Variants in PARD6G observed in about 807,000 individuals in gnomAD.
PARD6G encodes partitioning defective 6 homolog gamma.
In PARD6G, 7 loss-of-function variants were observed where a neutral mutation model predicts 10.7. The ratio of observed to expected loss-of-function variants is 0.66; its 90% CI spans 0.37 to 1.23. PARD6G has a LOEUF of 1.23. Among genes scored for constraint, PARD6G ranks in the 50% most tolerant of loss-of-function variants. The pLI, the probability that PARD6G is intolerant of heterozygous loss-of-function variation, is 0.02. For synonymous variants in PARD6G, 287 were observed against 269.4 expected, an observed-to-expected ratio of 1.07 and a Z score of -0.64; for missense variants, 548 against 571.8, an observed-to-expected ratio of 0.96 and a Z score of 0.42.
chr18:80,223,597 C>A (rs1418373615), intron 1 of PARD6G, among the ~76,000 whole-genome samples: 1 of 152,152 alleles, frequency 6.6e-6, no homozygotes, highest in Non-Finnish European at 1.5e-5. Context: ...GAATCTTAAC[C>A]CTCACACATT....
intron 2 of PARD6G, among the ~76,000 whole-genome samples, chr18:80,202,316 T>A (rs776681837): frequency 1.3e-5 from 2 of 152,156 alleles, no homozygotes; most frequent in Admixed American, 6.5e-5. Context: ...GCCTCAGAGC[T>A]AAAAGTTAAC....
At chr18:80,226,157 T>C (rs1967286766) in intron 1 of PARD6G, among the ~76,000 whole-genome samples, 2 of 17,832 alleles carry the variant, frequency 1.1e-4, no homozygotes, top group Non-Finnish European at 3.4e-4. Context: ...TTCAGTTTTT[T>C]TTTTTTTTTT....
chr18:80,187,097 A>C (rs1391825590), intron 2 of PARD6G, among the ~76,000 whole-genome samples: 1 of 150,906 alleles, frequency 6.6e-6, no homozygotes, highest in Admixed American at 6.6e-5. Flanking sequence ...ACTCTGTCTC[A>C]AGAAAAAAAA....
intron 1 of PARD6G, among the ~76,000 whole-genome samples, chr18:80,224,588 C>T (rs936840890): frequency 6.6e-6 from 1 of 152,226 alleles, no homozygotes; most frequent in African/African-American, 2.4e-5. Flanking sequence ...TGGCTCACGC[C>T]TGTAATCCCA....
In PARD6G at chr18:80,192,663, T is replaced by G. The variant is rs1966909572; in HGVS notation, c.295+10047A>C. Reference sequence around the variant, plus strand: ...GTACACTGTACTTTCTGAACCTTACTGTGGTCCAGAACACCAAAGACAAGG... The same window carrying G: ...GTACACTGTACTTTCTGAACCTTACGGTGGTCCAGAACACCAAAGACAAGG... On this transcript the variant is annotated intron_variant, in intron 2 of 2. Coordinates refer to ENST00000353265, the MANE Select transcript of PARD6G (RefSeq NM_032510.4). This position sits in a 1 kb window ranked among gnomAD's most constrained non-coding sequence, Gnocchi z 4.9. Among the ~76,000 whole-genome samples, 1 of 152,146 alleles carries G rather than the reference T, an allele frequency of 6.6e-6. No individual in the cohort carries two copies. Among genetic ancestry groups the G allele is most frequent in the African/African-American group, 2.4e-5 (1 of 41,434 alleles).
chr18:80,203,503 G>C (rs951499979), intron 1 of PARD6G, among the ~76,000 whole-genome samples: 2 of 152,154 alleles, frequency 1.3e-5, no homozygotes, highest in East Asian at 3.8e-4. Context: ...CAACACAGAT[G>C]AATATCCTGA....
chr18:80,210,338 T>C (rs1369810894), intron 1 of PARD6G, among the ~76,000 whole-genome samples: 4 of 152,244 alleles, frequency 2.6e-5, no homozygotes. Context: ...CTTGCAACAA[T>C]GCAAGGAGTG....
chr18:80,214,308 A>G (rs1457078001), intron 1 of PARD6G, among the ~76,000 whole-genome samples: 3 of 151,662 alleles, frequency 2.0e-5, no homozygotes, highest in Non-Finnish European at 4.4e-5. Context: ...AAACATAAAG[A>G]CCAAAAATTA....
chr18:80,234,527 A>T (rs1244253005), intron 1 of PARD6G, among the ~76,000 whole-genome samples: 1 of 152,148 alleles, frequency 6.6e-6, no homozygotes, highest in East Asian at 1.9e-4. Flanking sequence ...GTCTCTGTGT[A>T]CACCAGAGCC....
At chr18:80,191,079 T>C (rs1456925830) in intron 2 of PARD6G, among the ~76,000 whole-genome samples, 1 of 152,068 alleles carries the variant, frequency 6.6e-6, no homozygotes, top group African/African-American at 2.4e-5. Flanking sequence ...TAACACCAGG[T>C]GGATGAGTAT....
At chr18:80,171,535 AC>A (rs2052777087) in intron 2 of PARD6G, 1 of 152,270 alleles carries the variant, frequency 6.6e-6, no homozygotes, top group South Asian at 2.1e-4. Flanking sequence ...TTTAAAGTGT[AC>A]AACTCAGTAG....
At chr18:80,241,282 C>G (rs1170264456) in intron 1 of PARD6G, among the ~76,000 whole-genome samples, 1 of 152,138 alleles carries the variant, frequency 6.6e-6, no homozygotes, top group Admixed American at 6.6e-5. Flanking sequence ...GTGGTTCCCA[C>G]TCTAGACTTT....
rs982705041 is a variant in PARD6G, at chr18:80,157,250, CAAA to C, written c.*2518_*2520del. 4 of 152,154 alleles carry C rather than the reference CAAA, an allele frequency of 2.6e-5. No individual in the cohort carries two copies. Among genetic ancestry groups the C allele is most frequent in the Non-Finnish European group, 4.4e-5 (3 of 67,994 alleles). The allele number at this position is 152,154 out of a possible 1,614,324, so 9.4% of individuals were successfully genotyped here. On this transcript the variant is annotated 3_prime_UTR_variant, in exon 3 of 3. Transcript: ENST00000353265. ...TCATGCATTTTGTTTACTCAAAAGT[CAAA>C]AAAGTTTTTATTCTCTGATATATAA...
intron 2 of PARD6G, 182 bp downstream of exon 2, chr18:80,202,528 G>A (rs955955754): frequency 5.5e-5 from 31 of 561,686 alleles, no homozygotes; most frequent in Non-Finnish European, 9.2e-5. Context: ...ATCATTTAAA[G>A]TAGAAAACAC....
At chr18:80,225,106 A>G (rs758774176) in intron 1 of PARD6G, among the ~76,000 whole-genome samples, 1 of 152,204 alleles carries the variant, frequency 6.6e-6, no homozygotes, top group African/African-American at 2.4e-5. Context: ...ATCAAAGTGC[A>G]GCTCTGGCTC....
intron 2 of PARD6G, among the ~76,000 whole-genome samples, chr18:80,167,936 A>G (rs147212499): frequency 1.2e-3 from 189 of 152,284 alleles, no homozygotes; most frequent in African/African-American, 3.9e-3. Context: ...TGGCTGTGTA[A>G]GCTGAAAGAT....
Position 80,160,540 on chromosome 18 carries a change from A to C in PARD6G, c.362T>G (p.Leu121Arg), listed in dbSNP as rs961897837. Residue 121 changes from leucine (L) to arginine (R), a missense_variant, in exon 3 of 3, where the codon CTG becomes CGG. Physicochemically the swap from Leu to Arg is moderately radical, Grantham distance 102 (BLOSUM62 -2). This residue lies in a region of PARD6G where 235 missense variants were observed against 291.9 expected (regional missense o/e 0.81). Transcript: ENST00000353265. The stretch of plus-strand genomic sequence containing the variant: ...ACGCCGCCGGGGTCCTTCATCACGC[A>C]GCGCGCCCAGCGCCCGCCTCCGCCT... Reference protein sequence around the residue: ...LCRRRRALGALRDEGPRRRAH... With the variant: ...LCRRRRALGARRDEGPRRRAH... The C allele has an allele frequency of 3.4e-5, 51 of 1,494,396 alleles. No individual in the cohort carries two copies. Among genetic ancestry groups the C allele is most frequent in the Non-Finnish European group, 3.8e-5 (43 of 1,124,332 alleles). The allele number at this position is 1,494,396 out of a possible 1,614,324, so 92.6% of individuals were successfully genotyped here.
intron 2 of PARD6G, among the ~76,000 whole-genome samples, chr18:80,193,912 G>T (rs1282545839): frequency 2.0e-5 from 3 of 152,184 alleles, no homozygotes. Flanking sequence ...CGGGATTTCT[G>T]GAAGCCTGAG....
chr18:80,184,102 A>AAC lies in PARD6G; in HGVS notation c.295+18606_295+18607dup, dbSNP rs1599853934. 6.6e-6 allele frequency: 1 copy of AAC among 152,244 alleles called. No homozygotes were observed. The highest frequency in any genetic ancestry group is 2.4e-5 in the African/African-American group (1 of 41,464). The allele number at this position is 152,244 out of a possible 1,614,324, so 9.4% of individuals were successfully genotyped here. A position where few individuals can be genotyped will look rare whatever the true frequency, so the allele number is the denominator to read the frequency against. ...GCATTTGCCTCTGATGTGAGAAAGA[A>AAC]ACACTAGGGCTTCAACCAGATGAGG... On this transcript the variant is annotated intron_variant, in intron 2 of 2. Coordinates refer to ENST00000353265, the MANE Select transcript of PARD6G (RefSeq NM_032510.4). The surrounding 1 kb of genome is among the most constrained non-coding windows in gnomAD (Gnocchi z 4.5).
Sources: gnomAD v4.1 joint callset for allele counts (sites outside exome capture counted in the v4.1 genomes callset) on GRCh38, gnomAD v4.1.1 for gene constraint, gnomAD v4.1.1 regional missense constraint, Gnocchi (gnomAD v3.1) non-coding constraint, MANE v1.5 for transcripts, NCBI Gene and HGNC (gene_info 2026-07-23, HGNC 2026-07-21) for gene names.